The following BCAS3 variants were observed in gnomAD, a reference collection of about 807,000 sequenced individuals.
BCAS3 encodes the protein BCAS4/BCAS3 fusion.
A neutral mutation model predicts 116.1 loss-of-function variants in BCAS3; 53 were observed. The observed-to-expected ratio is 0.46, with a 90% CI of 0.37 to 0.57. The LOEUF is 0.57. Among genes scored for constraint, BCAS3 ranks in the 20% least tolerant of loss-of-function variants. BCAS3 has a pLI of 0.00. For missense variants in BCAS3, 917 were observed against 1,165.4 expected, an observed-to-expected ratio of 0.79 and a Z score of 3.10; for synonymous variants, 391 against 408.2, an observed-to-expected ratio of 0.96 and a Z score of 0.51.
chr17:61,375,246 G>GTGTGTGTGTGTGCGCGCGCGCGCGCACA lies in BCAS3; in HGVS notation c.2593+6761_2593+6762insGTGCGCGCGCGCGCGCACATGTGTGTGT, dbSNP rs150061118. Among the ~76,000 whole-genome samples, 381 of 150,774 alleles carry GTGTGTGTGTGTGCGCGCGCGCGCGCACA rather than the reference G, an allele frequency of 2.5e-3. 2 individuals are homozygous for GTGTGTGTGTGTGCGCGCGCGCGCGCACA. The highest frequency in any genetic ancestry group is 9.0e-3 in the African/African-American group (364 of 40,266). The stretch of plus-strand genomic sequence containing the variant: ...TGTGTGTGTGTGTGTGTGTGTGTGT[G>GTGTGTGTGTGTGCGCGCGCGCGCGCACA]TGTGTGTGTACTAATAAAGTCTTTC... On this transcript the variant is annotated intron_variant, in intron 23 of 23. Coordinates refer to ENST00000407086, the MANE Select transcript of BCAS3 (RefSeq NM_017679.5).
chr17:60,844,491 A>T (rs1179526948), intron 7 of BCAS3, among the ~76,000 whole-genome samples: 2 of 152,182 alleles, frequency 1.3e-5, no homozygotes, highest in East Asian at 3.8e-4. Flanking sequence ...ATAGTTGTAT[A>T]AAAAAACTTC....
chr17:60,845,955 G>A (rs2052489953), intron 7 of BCAS3, among the ~76,000 whole-genome samples: 1 of 148,782 alleles, frequency 6.7e-6, no homozygotes, highest in East Asian at 2.0e-4. Flanking sequence ...TTGAGACTTA[G>A]TCTCACTCTG....
intron 22 of BCAS3, among the ~76,000 whole-genome samples, chr17:61,202,247 C>G: frequency 6.6e-6 from 1 of 150,956 alleles, no homozygotes; most frequent in East Asian, 1.9e-4. Flanking sequence ...ACGCCGTTCT[C>G]CTGCCTCAGC....
chr17:61,078,889 A>G (rs1487411056), intron 21 of BCAS3, among the ~76,000 whole-genome samples: 3 of 152,096 alleles, frequency 2.0e-5, no homozygotes, highest in African/African-American at 7.2e-5. Flanking sequence ...ATTAAATTTC[A>G]TCTGTGATTT....
chr17:60,873,786 A>G (rs1211285144), intron 8 of BCAS3, among the ~76,000 whole-genome samples: 1 of 152,196 alleles, frequency 6.6e-6, no homozygotes, highest in Non-Finnish European at 1.5e-5. Context: ...ACATAAATCC[A>G]TTTTATCTTT....
intron 5 of BCAS3, among the ~76,000 whole-genome samples, chr17:60,743,174 A>T (rs2041740318): frequency 6.6e-6 from 1 of 152,168 alleles, no homozygotes; most frequent in South Asian, 2.1e-4. Flanking sequence ...AGCAATACAT[A>T]TAAAACTACA....
At chr17:60,719,152 GA>G (rs978597170) in intron 5 of BCAS3, among the ~76,000 whole-genome samples, 1 of 152,230 alleles carries the variant, frequency 6.6e-6, no homozygotes, top group African/African-American at 2.4e-5. Context: ...TTAAAAATAA[GA>G]AAGGTATGTG....
In BCAS3 at chr17:61,388,038, C is replaced by T. The variant is rs1284173545; in HGVS notation, c.2594-3939C>T. Among the ~76,000 whole-genome samples, 1 of 152,182 alleles carries T rather than the reference C, an allele frequency of 6.6e-6. No individual in the cohort carries two copies. The highest frequency in any genetic ancestry group is 1.5e-5 in the Non-Finnish European group (1 of 68,018). ...CTCTAAGGGGGGAGGTGGCTGGGGA[C>T]ACTTCCCTCATTTCCTGCCACAGAG... On this transcript the variant is annotated intron_variant, in intron 23 of 23. Coordinates refer to ENST00000407086, the MANE Select transcript of BCAS3 (RefSeq NM_017679.5). The surrounding 1 kb of genome is among the most constrained non-coding windows in gnomAD (Gnocchi z 6.5).
intron 2 of BCAS3, among the ~76,000 whole-genome samples, chr17:60,679,820 T>G (rs2032711754): frequency 6.6e-6 from 1 of 151,996 alleles, no homozygotes; most frequent in Non-Finnish European, 1.5e-5. Context: ...TTAAATCAGT[T>G]TAGTGGGTCA....
intron 6 of BCAS3, among the ~76,000 whole-genome samples, chr17:60,801,275 GCTA>G (rs1380696272): frequency 1.3e-5 from 2 of 152,084 alleles, no homozygotes; most frequent in African/African-American, 4.8e-5. Flanking sequence ...AAGTATAAGT[GCTA>G]CTGTACTTTA....
Position 61,157,781 on chromosome 17 carries a change from G to A in BCAS3, c.2425+73217G>A, listed in dbSNP as rs184655328. Among the ~76,000 whole-genome samples, 16 of 152,182 alleles carry A rather than the reference G, an allele frequency of 1.1e-4. No homozygotes were observed. In the East Asian group the frequency reaches 2.3e-3, roughly 22 times the overall value. ...GAAAGTATTATCGCTGGCCACAAAC[G>A]GACACTGTTTCTCCTAAACAACTCC... On this transcript the variant is annotated intron_variant, in intron 22 of 23. Transcript: ENST00000407086.
At chr17:60,911,504 G>A (rs928188839) in intron 12 of BCAS3, among the ~76,000 whole-genome samples, 1 of 152,136 alleles carries the variant, frequency 6.6e-6, no homozygotes, top group Non-Finnish European at 1.5e-5. Context: ...CTCCGTGTTG[G>A]CCAGGCTGGT....
rs2065700056 is a variant in BCAS3 at position 61,019,140 on chromosome 17, G to T, written c.1637+3239G>T. 1.3e-5 allele frequency among the ~76,000 whole-genome samples: 2 copies of T among 152,208 alleles called. No homozygotes were observed. Among genetic ancestry groups the T allele is most frequent in the Non-Finnish European group, 2.9e-5 (2 of 68,038 alleles). ...GGCCTGTTAGGAACTGAGCCGCACAGCAGGAGGTGAACAACAGGCGAGTGA... is the reference window on the plus strand; with the variant it reads ...GGCCTGTTAGGAACTGAGCCGCACATCAGGAGGTGAACAACAGGCGAGTGA... On this transcript the variant is annotated intron_variant, in intron 16 of 23. Coordinates refer to ENST00000407086, the MANE Select transcript of BCAS3 (RefSeq NM_017679.5). This position sits in a 1 kb window ranked among gnomAD's most constrained non-coding sequence, Gnocchi z 5.6.
intron 22 of BCAS3, chr17:61,086,843 A>C (rs900761969): frequency 4.4e-5 from 43 of 985,258 alleles, no homozygotes; most frequent in Non-Finnish European, 5.2e-5. Context: ...CTCTTCAGCT[A>C]CCTCTCAATT....
chr17:61,237,288 C>T (rs2083136872), intron 22 of BCAS3, among the ~76,000 whole-genome samples: 1 of 152,142 alleles, frequency 6.6e-6, no homozygotes, highest in Non-Finnish European at 1.5e-5. Context: ...TAAAGCACAC[C>T]AATCAGTGCT....
intron 14 of BCAS3, among the ~76,000 whole-genome samples, chr17:60,977,514 T>G (rs2062485797): frequency 1.3e-5 from 2 of 151,126 alleles, no homozygotes; most frequent in South Asian, 4.2e-4. Context: ...TTATTATTAT[T>G]ATTATACTTT....
At chr17:60,981,869 T>A (rs1189634613) in intron 14 of BCAS3, among the ~76,000 whole-genome samples, 4 of 152,194 alleles carry the variant, frequency 2.6e-5, no homozygotes, top group Admixed American at 2.0e-4. Context: ...TACTGTGATA[T>A]ATTGCCTCTA....
intron 22 of BCAS3, among the ~76,000 whole-genome samples, chr17:61,292,229 C>T (rs562321838): frequency 1.3e-5 from 2 of 152,248 alleles, no homozygotes; most frequent in Admixed American, 1.3e-4. Context: ...AGATGAGTTC[C>T]AACCCCACCC....
chr17:60,980,496 T>C (rs540628592), intron 14 of BCAS3: 1 of 152,058 alleles, frequency 6.6e-6, no homozygotes, highest in Admixed American at 6.6e-5. Context: ...TTTCCCTCAT[T>C]CATTTTATGG....
Sources: allele counts gnomAD v4.1 joint callset (sites outside exome capture counted in the v4.1 genomes callset), GRCh38; gene constraint gnomAD v4.1.1; non-coding constraint Gnocchi (gnomAD v3.1); transcripts MANE v1.5; gene names NCBI Gene and HGNC (gene_info 2026-07-23, HGNC 2026-07-21).